The following CISTR variants were observed in gnomAD, a reference collection of about 807,000 sequenced individuals.
CISTR encodes the protein chondrogenic regulator lncRNA.
At chr12:53,754,835 G>A (rs1937898247) in intron 1 of CISTR, among the ~76,000 whole-genome samples, 1 of 152,104 alleles carries the variant, frequency 6.6e-6, no homozygotes, top group Non-Finnish European at 1.5e-5. Flanking sequence ...GCATGTTTCA[G>A]CACTAAAAGG....
At chr12:53,752,430 G>A (rs995008105) in intron 1 of CISTR, among the ~76,000 whole-genome samples, 3 of 152,206 alleles carry the variant, frequency 2.0e-5, no homozygotes, top group African/African-American at 4.8e-5. Flanking sequence ...CTGTGGCTAA[G>A]TTTGAATCCC....
chr12:53,746,844 G>A (rs554492118), exon 3 of CISTR, among the ~76,000 whole-genome samples: 1 of 152,148 alleles, frequency 6.6e-6, no homozygotes, highest in East Asian at 1.9e-4. Context: ...CGCGTTCCTC[G>A]CCCCCTGGTG....
At chr12:53,749,093 G>A (rs566054345) in intron 2 of CISTR, among the ~76,000 whole-genome samples, 1 of 152,028 alleles carries the variant, frequency 6.6e-6, no homozygotes, top group African/African-American at 2.4e-5. Flanking sequence ...TGGACAGCTT[G>A]GAGCAGTTAT....
At chr12:53,750,934 G>T (rs1333932903) in exon 2 of CISTR, 4 of 152,822 alleles carry the variant, frequency 2.6e-5, no homozygotes, top group Non-Finnish European at 5.9e-5. Flanking sequence ...CTGAGGTCGT[G>T]ACAAGGAGGC....
At chr12:53,752,140 C>T (rs1453489304) in intron 1 of CISTR, among the ~76,000 whole-genome samples, 1 of 152,134 alleles carries the variant, frequency 6.6e-6, no homozygotes, top group East Asian at 1.9e-4. Context: ...GTCCCCTCCG[C>T]TCGCCCCTCT....
At chr12:53,746,821 T>A (rs1374860194) in exon 3 of CISTR, among the ~76,000 whole-genome samples, 3 of 152,140 alleles carry the variant, frequency 2.0e-5, no homozygotes, top group African/African-American at 4.8e-5. Context: ...AAGATTCCGC[T>A]CCTCCGCAGA....
exon 3 of CISTR, among the ~76,000 whole-genome samples, chr12:53,746,844 G>T (rs554492118): frequency 1.7e-3 from 265 of 152,266 alleles, no homozygotes; most frequent in Non-Finnish European, 3.1e-3. Context: ...CGCGTTCCTC[G>T]CCCCCTGGTG....
intron 2 of CISTR, among the ~76,000 whole-genome samples, chr12:53,749,726 C>T (rs943151201): frequency 6.6e-6 from 1 of 152,088 alleles, no homozygotes; most frequent in Non-Finnish European, 1.5e-5. Context: ...GCATCTGCAC[C>T]AGAGGCAAAT....
chr12:53,749,695 G>C (rs1267854543), intron 2 of CISTR, among the ~76,000 whole-genome samples: 3 of 152,124 alleles, frequency 2.0e-5, no homozygotes, highest in Admixed American at 2.0e-4. Flanking sequence ...ATCACCTTTA[G>C]AGCCTGCAGT....
intron 1 of CISTR, among the ~76,000 whole-genome samples, chr12:53,753,093 G>GACACACACAC (rs932432354): frequency 9.2e-6 from 1 of 108,152 alleles, no homozygotes; most frequent in Non-Finnish European, 2.3e-5. Context: ...CACACACAGA[G>GACACACACAC]AGAGACACAC....
intron 2 of CISTR, among the ~76,000 whole-genome samples, chr12:53,747,612 C>T (rs1297364043): frequency 6.6e-6 from 1 of 152,022 alleles, no homozygotes; most frequent in Non-Finnish European, 1.5e-5. Flanking sequence ...GGGCCAGATA[C>T]TGAGTTACTG....
At position 53,756,243 on chromosome 12, in the gene CISTR, G is replaced by C. The variant is rs1331194776; in HGVS notation, n.414+571C>G. On this transcript the variant is annotated intron_variant and non_coding_transcript_variant, in intron 1 of 2. Transcript: ENST00000669269. The surrounding 1 kb of genome is among the most constrained non-coding windows in gnomAD (Gnocchi z 4.0). The stretch of plus-strand genomic sequence containing the variant: ...TACCATCCCCTTTTCTGGCTCTCGA[G>C]GTAAGTTCTTTGGGGATGAAGCACC... Among the ~76,000 whole-genome samples, 8 of 152,100 alleles carry C rather than the reference G, an allele frequency of 5.3e-5. No individual in the cohort carries two copies. The highest frequency in any genetic ancestry group is 9.7e-5 in the African/African-American group (4 of 41,402).
chr12:53,753,544 A>G (rs535480287), intron 1 of CISTR, among the ~76,000 whole-genome samples: 17 of 152,192 alleles, frequency 1.1e-4, no homozygotes, highest in Non-Finnish European at 2.5e-4. Flanking sequence ...TTTAGTTAGC[A>G]GGGAGCAGCA....
At chr12:53,752,046 C>G (rs1196247159) in intron 1 of CISTR, among the ~76,000 whole-genome samples, 1 of 152,090 alleles carries the variant, frequency 6.6e-6, no homozygotes, top group African/African-American at 2.4e-5. Context: ...CCGCCCGCCC[C>G]GGATGCCGAG....
At chr12:53,753,992 G>A (rs1025518474) in intron 1 of CISTR, among the ~76,000 whole-genome samples, 4 of 122,544 alleles carry the variant, frequency 3.3e-5, no homozygotes, top group Non-Finnish European at 5.4e-5. Flanking sequence ...AGATGAATGA[G>A]TCTGTATTTC....
At chr12:53,746,709 T>G (rs960838782) in exon 3 of CISTR, among the ~76,000 whole-genome samples, 1 of 152,176 alleles carries the variant, frequency 6.6e-6, no homozygotes, top group Non-Finnish European at 1.5e-5. Flanking sequence ...TGGCCTTGCC[T>G]GGATTCCAGA....
exon 2 of CISTR, chr12:53,750,794 A>AGCGTGTGTGTTTTGCGC: frequency 6.5e-6 from 1 of 153,134 alleles, no homozygotes; most frequent in Middle Eastern, 3.4e-3. Context: ...GGCGAAGGGC[A>AGCGTGTGTGTTTTGCGC]GCGTGTGTGT....
chr12:53,747,788 T>C (rs1193947457), intron 2 of CISTR, among the ~76,000 whole-genome samples: 1 of 152,102 alleles, frequency 6.6e-6, no homozygotes, highest in East Asian at 1.9e-4. Context: ...ACTCCACCTA[T>C]TTCCTGCTCC....
intron 1 of CISTR, among the ~76,000 whole-genome samples, chr12:53,755,315 G>GTT (rs2120741992): frequency 7.0e-6 from 1 of 143,118 alleles, no homozygotes; most frequent in Admixed American, 6.7e-5. Context: ...TGGGGTGTGT[G>GTT]TGTGTGTGTG....
Sources: allele counts gnomAD v4.1 joint callset (sites outside exome capture counted in the v4.1 genomes callset), GRCh38; gene constraint gnomAD v4.1.1; non-coding constraint Gnocchi (gnomAD v3.1); transcripts MANE v1.5; gene names NCBI Gene and HGNC (gene_info 2026-07-23, HGNC 2026-07-21).